FKRP: variants seen among roughly 807,000 people sequenced by gnomAD.
The protein encoded by FKRP is ribitol 5-phosphate transferase FKRP.
Under a neutral mutation model 30.6 loss-of-function variants are expected in FKRP, and 25 were observed. That is an observed-to-expected ratio of 0.82 (90% CI 0.60 to 1.14). The LOEUF (loss-of-function observed/expected upper bound fraction) is 1.14, where lower values mean the gene tolerates loss of function less well. FKRP is among the 50% of genes most tolerant of loss of function. FKRP has a pLI of 0.00. For missense variants in FKRP, 771 were observed against 727.8 expected (o/e 1.06, Z -0.68); for synonymous variants, 358 against 342.5 (o/e 1.05, Z -0.50).
upstream of FKRP, chr19:46,746,025 C>A: frequency 8.3e-7 from 1 of 1,208,550 alleles, no homozygotes; most frequent in South Asian, 2.2e-5. Context: ...GTCGCGGTCC[C>A]CTCCCGCCCC....
At chr19:46,745,838 A>G (rs947474315), upstream of FKRP, 4 of 265,626 alleles carry the variant, frequency 1.5e-5, no homozygotes, top group Non-Finnish European at 2.8e-5. Context: ...GCTCAGTCCC[A>G]GTCCCAGTCC....
In FKRP at chr19:46,756,482, C is replaced by T. The variant is rs767312918; in HGVS notation, c.1032C>T (p.Gly344=). 3.9e-6 allele frequency: 6 copies of T among 1,533,196 alleles called. No individual in the cohort carries two copies. In the East Asian group the frequency reaches 9.8e-5, roughly 25 times the overall value. The allele number at this position is 1,533,196 out of a possible 1,614,324, so 95.0% of individuals were successfully genotyped here. A position where few individuals can be genotyped will look rare whatever the true frequency, so the allele number is the denominator to read the frequency against. ...CGGGCGTGCGCTACTGGCTCGAGGG[C>T]GGCTCACTGCTGGGGGCCGCCCGCC... ...EAAGVRYWLE[G]GSLLGAARHG... Residue 344 remains glycine, a synonymous_variant, in exon 4 of 4, where the codon GGC becomes GGT. Transcript: ENST00000318584. This position sits in a 1 kb window ranked among gnomAD's most constrained non-coding sequence, Gnocchi z 6.6.
At chr19:46,746,226 G>C (rs1235415557) in intron 1 of FKRP, 136 bp downstream of exon 1, 1 of 1,532,422 alleles carries the variant, frequency 6.5e-7, no homozygotes, top group Admixed American at 1.9e-5. Flanking sequence ...ATAAAGTGCA[G>C]GATCCCCGGC....
In FKRP at chr19:46,757,004, G is replaced by T; in HGVS notation, c.*66G>T. On this transcript the variant is annotated 3_prime_UTR_variant, in exon 4 of 4. Coordinates refer to ENST00000318584, the MANE Select transcript of FKRP (RefSeq NM_024301.5). ...GGATGTGGAGAAGCTCTGTGTGAGC[G>T]GTGAGGGGTGGAGGGATGTCGCGGA... The T allele has an allele frequency of 6.3e-7, 1 of 1,590,948 alleles. No individual in the cohort carries two copies. Among genetic ancestry groups the T allele is most frequent in the Non-Finnish European group, 8.6e-7 (1 of 1,165,016 alleles).
intron 1 of FKRP, chr19:46,746,360 G>C (rs2122478684): frequency 8.5e-7 from 1 of 1,174,174 alleles, no homozygotes; most frequent in Admixed American, 4.7e-5. Flanking sequence ...GCCAGGGCCC[G>C]CGCCTGAGCC....
intron 3 of FKRP, among the ~76,000 whole-genome samples, chr19:46,749,867 A>G (rs2054753047): frequency 6.6e-6 from 1 of 151,974 alleles, no homozygotes; most frequent in Non-Finnish European, 1.5e-5. Flanking sequence ...ACAGGTGCAC[A>G]CCACCATGCC....
intron 3 of FKRP, among the ~76,000 whole-genome samples, chr19:46,753,480 GAAAT>G: frequency 6.7e-6 from 1 of 149,174 alleles, no homozygotes; most frequent in Non-Finnish European, 1.5e-5. Flanking sequence ...GAAAAGAAAA[GAAAT>G]AAGAGCAGTT....
At chr19:46,745,939 GCCGTCCCGGTC>G (rs1389045425), upstream of FKRP, 1 of 507,280 alleles carries the variant, frequency 2.0e-6, no homozygotes, top group Non-Finnish European at 3.1e-6. Flanking sequence ...CCCACCTCGG[GCCGTCCCGGTC>G]CCGTCCCACC....
chr19:46,746,254 G>A (rs1228050737), intron 1 of FKRP, 164 bp downstream of exon 1: 11 of 1,492,602 alleles, frequency 7.4e-6, no homozygotes, highest in African/African-American at 4.4e-5. Flanking sequence ...GGGGCTCCGG[G>A]CCCGCCGTGG....
At chr19:46,746,115 G>A in intron 1 of FKRP, 25 bp downstream of exon 1, 3 of 1,466,668 alleles carry the variant, frequency 2.0e-6, no homozygotes, top group Non-Finnish European at 1.8e-6. Context: ...GGCCGGGCCG[G>A]GTTGGGGGTC....
chr19:46,744,834 T>G (rs1185701850), upstream of FKRP, among the ~76,000 whole-genome samples: 1 of 151,930 alleles, frequency 6.6e-6, no homozygotes, highest in Non-Finnish European at 1.5e-5. Context: ...TCTTCAGACT[T>G]CCAGCGGGCC....
intron 1 of FKRP, chr19:46,746,354 G>A: frequency 1.6e-6 from 2 of 1,223,656 alleles, no homozygotes; most frequent in Non-Finnish European, 2.0e-6. Flanking sequence ...AGTGGGGCCA[G>A]GGCCCGCGCC....
rs952088878 is a variant in FKRP, at chr19:46,758,301, A to G, written c.*1363A>G. ...TGCCCCTCTCTAGTCATGGTCCCCA[A>G]GAGGGGCTTGGAGACCCACTTAGCA... is the stretch of plus-strand genomic sequence containing the variant. On this transcript the variant is annotated 3_prime_UTR_variant, in exon 4 of 4. Transcript: ENST00000318584. 1.2e-5 allele frequency: 2 copies of G among 167,076 alleles called. No individual in the cohort carries two copies. Among genetic ancestry groups the G allele is most frequent in the Non-Finnish European group, 2.9e-5 (2 of 68,120 alleles). 10.3% of individuals were successfully genotyped at this position (167,076 alleles called of 1,614,324 possible). A position where few individuals can be genotyped will look rare whatever the true frequency, so the allele number is the denominator to read the frequency against.
chr19:46,756,546 G>C lies in FKRP; in HGVS notation c.1096G>C (p.Gly366Arg). ...IIPWDYDVDL[G>R]IYLEDVGNCE... ...CCCATGGGACTACGACGTGGACCTG[G>C]GCATCTACTTGGAGGACGTGGGCAA... Residue 366 changes from glycine (G) to arginine (R), a missense_variant, in exon 4 of 4, where the codon GGC becomes CGC. Gly to Arg is a moderately radical substitution (Grantham distance 125). Transcript: ENST00000318584. This position sits in a 1 kb window ranked among gnomAD's most constrained non-coding sequence, Gnocchi z 6.6. 6.2e-7 allele frequency: 1 copy of C among 1,605,508 alleles called. No individual in the cohort carries two copies. The highest frequency in any genetic ancestry group is 8.5e-7 in the Non-Finnish European group (1 of 1,177,160).
At chr19:46,746,748 A>G (rs1211735726) in intron 1 of FKRP, 1 of 152,170 alleles carries the variant, frequency 6.6e-6, no homozygotes, top group African/African-American at 2.4e-5. Context: ...ACTTCGCCCC[A>G]GAGAAAGAGC....
intron 3 of FKRP, among the ~76,000 whole-genome samples, chr19:46,752,313 C>T (rs189245759): frequency 6.6e-6 from 1 of 152,130 alleles, no homozygotes; most frequent in Non-Finnish European, 1.5e-5. Flanking sequence ...CTAACCATCT[C>T]ATGTGTGTTC....
intron 3 of FKRP, among the ~76,000 whole-genome samples, chr19:46,754,552 T>C (rs2054866532): frequency 6.6e-6 from 1 of 151,232 alleles, no homozygotes; most frequent in Non-Finnish European, 1.5e-5. Context: ...TCACCATACC[T>C]GGCCCACCCC....
intron 3 of FKRP, chr19:46,754,373 T>TTA (rs1568416145): frequency 7.6e-6 from 1 of 130,724 alleles, no homozygotes; most frequent in African/African-American, 3.0e-5. Flanking sequence ...TTTTTTTAAT[T>TTA]TTTATTTATT....
At chr19:46,746,038 C>CCCCCG, upstream of FKRP, 4 of 1,198,390 alleles carry the variant, frequency 3.3e-6, no homozygotes, top group South Asian at 2.3e-5. Flanking sequence ...CCCGCCCCCC[C>CCCCCG]GCCGGCCGTC....
Sources: gnomAD v4.1 joint callset for allele counts (sites outside exome capture counted in the v4.1 genomes callset) on GRCh38, gnomAD v4.1.1 for gene constraint, Gnocchi (gnomAD v3.1) non-coding constraint, MANE v1.5 for transcripts, NCBI Gene and HGNC (gene_info 2026-07-23, HGNC 2026-07-21) for gene names.